The following RGS7 variants were observed in gnomAD, a reference collection of about 807,000 sequenced individuals.
RGS7 encodes regulator of G-protein signaling 7.
RGS7 carries 27 observed loss-of-function variants against 81.1 expected under a neutral mutation model. That is an observed-to-expected ratio of 0.33 (90% CI 0.25 to 0.46). RGS7 has a LOEUF of 0.46. Ranked by LOEUF, RGS7 falls within the 20% of genes least tolerant of loss-of-function variation. RGS7 has a pLI of 1.00. For synonymous variants in RGS7, 208 were observed against 207.7 expected, an observed-to-expected ratio of 1.00 and a Z score of -0.01; for missense variants, 396 against 607.4, an observed-to-expected ratio of 0.65 and a Z score of 3.66.
chr1:241,309,623 G>T (rs950476034), intron 2 of RGS7, among the ~76,000 whole-genome samples: 3 of 152,132 alleles, frequency 2.0e-5, no homozygotes, highest in Admixed American at 2.0e-4. Context: ...CCTTTAAGGT[G>T]TTACTAGAAT....
intron 2 of RGS7, among the ~76,000 whole-genome samples, chr1:241,225,143 T>TC (rs1185397926): frequency 6.6e-6 from 1 of 152,120 alleles, no homozygotes; most frequent in Non-Finnish European, 1.5e-5. Flanking sequence ...TCATTCCTCA[T>TC]CCCCCTTGTA....
In RGS7 at chr1:240,887,450, A is replaced by G. The variant is rs2000212; in HGVS notation, c.386-17331T>C. Among the ~76,000 whole-genome samples, 13 of 151,724 alleles carry G rather than the reference A, an allele frequency of 8.6e-5. 1 individual carries two copies. The East Asian group carries it at 1.2e-3, about 14-fold the overall frequency. The stretch of plus-strand genomic sequence containing the variant: ...TCACCGTGTTAGCCAGGATGGTCTC[A>G]ATCTCCTGACTTCGTGATCTGCCCG... On this transcript the variant is annotated intron_variant, in intron 6 of 18. Transcript: ENST00000440928.
At chr1:240,899,624 C>T (rs572763002) in intron 6 of RGS7, among the ~76,000 whole-genome samples, 1 of 152,340 alleles carries the variant, frequency 6.6e-6, no homozygotes, top group South Asian at 2.1e-4. Flanking sequence ...CTACTCTCTT[C>T]TGGCTTGTAG....
At chr1:241,254,673 G>T (rs2076982029) in intron 2 of RGS7, among the ~76,000 whole-genome samples, 2 of 152,112 alleles carry the variant, frequency 1.3e-5, no homozygotes, top group Non-Finnish European at 2.9e-5. Context: ...TCCATAGAAA[G>T]ATTTTTTTTG....
chr1:241,333,398 A>T (rs534344592), intron 2 of RGS7, among the ~76,000 whole-genome samples: 1 of 152,324 alleles, frequency 6.6e-6, no homozygotes, highest in African/African-American at 2.4e-5. Flanking sequence ...GAACAGATGT[A>T]TTCAAAATGA....
intron 2 of RGS7, among the ~76,000 whole-genome samples, chr1:241,333,672 G>A (rs958088709): frequency 6.6e-6 from 1 of 152,130 alleles, no homozygotes; most frequent in Non-Finnish European, 1.5e-5. Context: ...TGGTTTGACT[G>A]AAATCTCAAC....
chr1:241,032,954 A>G (rs1379557020), intron 3 of RGS7, among the ~76,000 whole-genome samples: 1 of 146,200 alleles, frequency 6.8e-6, no homozygotes, highest in Non-Finnish European at 1.5e-5. Flanking sequence ...CTCTTTTCCA[A>G]TTTGGATGCG....
chr1:240,939,746 A>C, intron 4 of RGS7, among the ~76,000 whole-genome samples: 1 of 151,272 alleles, frequency 6.6e-6, no homozygotes, highest in South Asian at 2.1e-4. Flanking sequence ...AGCTCTTATC[A>C]CCAGAGACTG....
intron 2 of RGS7, among the ~76,000 whole-genome samples, chr1:241,117,654 G>A (rs1030484515): frequency 2.0e-5 from 3 of 152,166 alleles, no homozygotes; most frequent in African/African-American, 4.8e-5. Flanking sequence ...TTTGCAGAGC[G>A]GTATCTGTGG....
intron 18 of RGS7, among the ~76,000 whole-genome samples, chr1:240,791,683 T>C (rs1686032778): frequency 6.6e-6 from 1 of 152,202 alleles, no homozygotes; most frequent in African/African-American, 2.4e-5. Flanking sequence ...AGAGATGACT[T>C]GTTGATGACC....
chr1:240,966,482 C>T (rs551485634), intron 4 of RGS7, among the ~76,000 whole-genome samples: 1 of 151,968 alleles, frequency 6.6e-6, no homozygotes, highest in African/African-American at 2.4e-5. Flanking sequence ...CTTGTTATGG[C>T]CTTGCTGTTC....
intron 10 of RGS7, among the ~76,000 whole-genome samples, chr1:240,820,428 T>C (rs2103140569): frequency 6.6e-6 from 1 of 152,292 alleles, no homozygotes; most frequent in African/African-American, 2.4e-5. Context: ...TCCCTTGACA[T>C]TTTAGAAGAG....
At chr1:240,893,933 T>C (rs1668644789) in intron 6 of RGS7, among the ~76,000 whole-genome samples, 1 of 152,210 alleles carries the variant, frequency 6.6e-6, no homozygotes, top group African/African-American at 2.4e-5. Flanking sequence ...TTATCCAAAC[T>C]GCTTCTCGAA....
intron 6 of RGS7, among the ~76,000 whole-genome samples, chr1:240,897,178 G>C (rs1669228662): frequency 6.6e-6 from 1 of 152,182 alleles, no homozygotes. Flanking sequence ...AGGAGATTTT[G>C]TGCTGAGATG....
At chr1:241,260,377 C>A (rs116789125) in intron 2 of RGS7, among the ~76,000 whole-genome samples, 4,854 of 152,278 alleles carry the variant, frequency 0.032, 116 homozygotes, top group Non-Finnish European at 0.045. Context: ...TTTAATGTAA[C>A]CTCACCTCCA....
intron 9 of RGS7, among the ~76,000 whole-genome samples, chr1:240,840,729 T>G (rs1459166237): frequency 6.6e-6 from 1 of 152,220 alleles, no homozygotes; most frequent in East Asian, 1.9e-4. Context: ...TACACTTGTT[T>G]GTTTTCTCTG....
intron 2 of RGS7, among the ~76,000 whole-genome samples, chr1:241,103,310 G>T (rs926368687): frequency 6.6e-6 from 1 of 152,138 alleles, no homozygotes; most frequent in Non-Finnish European, 1.5e-5. Context: ...GCCTGTTTCT[G>T]AGGGTGAGGA....
intron 6 of RGS7, among the ~76,000 whole-genome samples, chr1:240,930,042 ATTTAAAAACCATGCAATCTTGTC>A (rs1250150215): frequency 6.6e-6 from 1 of 152,166 alleles, no homozygotes; most frequent in Admixed American, 6.5e-5. Context: ...CAGAAATGAC[ATTTAAAAACCATGCAATCTTGTC>A]TTTGAAAACT....
In RGS7 at chr1:241,110,671, ATTG is replaced by A. The variant is rs1231846356; in HGVS notation, c.79-11912_79-11910del. 8.0e-3 allele frequency among the ~76,000 whole-genome samples: 1,145 copies of A among 142,440 alleles called. 9 individuals carry two copies. Among genetic ancestry groups the A allele is most frequent in the Non-Finnish European group, 0.012 (820 of 65,654 alleles). The allele number at this position is 142,440 out of a possible 152,430, so 93.4% of individuals were successfully genotyped here. The stretch of plus-strand genomic sequence containing the variant: ...TTATTTTATTTTATTTTATTTTATT[ATTG>A]AGACAGGGTCTCACTCACTCTTTTT... On this transcript the variant is annotated intron_variant, in intron 2 of 18. Transcript: ENST00000440928.
Sources: gnomAD v4.1 joint callset for allele counts (sites outside exome capture counted in the v4.1 genomes callset) on GRCh38, gnomAD v4.1.1 for gene constraint, MANE v1.5 for transcripts, NCBI Gene and HGNC (gene_info 2026-07-23, HGNC 2026-07-21) for gene names.